ERCC6: variants seen among roughly 807,000 people sequenced by gnomAD.
ERCC6 encodes the protein ERCC excision repair 6, chromatin remodeling factor.
A neutral mutation model predicts 158.7 loss-of-function variants in ERCC6; 116 were observed. The observed-to-expected ratio is 0.73, with a 90% CI of 0.63 to 0.85. The LOEUF (loss-of-function observed/expected upper bound fraction) is 0.85, where lower values mean the gene tolerates loss of function less well. Ranked by LOEUF, ERCC6 falls within the 40% of genes least tolerant of loss-of-function variation. The pLI is 0.00. For synonymous variants in ERCC6, 678 were observed against 659.3 expected (o/e 1.03, Z -0.43); for missense variants, 1,698 against 1,799.4 (o/e 0.94, Z 1.02).
chr10:49,473,919 A>C, intron 13 of ERCC6, 108 bp downstream of exon 13: 2 of 994,724 alleles, frequency 2.0e-6, no homozygotes, highest in Non-Finnish European at 3.2e-6. Flanking sequence ...CCTCAGCATC[A>C]GTGGTAGACT....
the ERCC6 span, among the ~76,000 whole-genome samples, chr10:49,437,604 G>A: frequency 6.6e-6 from 1 of 152,168 alleles, no homozygotes; most frequent in Non-Finnish European, 1.5e-5. Context: ...GGGTTCATGG[G>A]TGCTTACTAG....
At chr10:49,450,531 C>T (rs115152439), downstream of ERCC6, among the ~76,000 whole-genome samples, 1,133 of 152,272 alleles carry the variant, frequency 7.4e-3, 13 homozygotes, top group African/African-American at 0.025. Context: ...TCAATTTCTG[C>T]AAAGATGTCA....
intron 1 of ERCC6, among the ~76,000 whole-genome samples, chr10:49,535,872 C>G (rs1465322639): frequency 6.6e-6 from 1 of 152,102 alleles, no homozygotes; most frequent in African/African-American, 2.4e-5. Flanking sequence ...ACCTGTAATC[C>G]CAGCACTTTG....
At position 49,520,788 on chromosome 10, in the gene ERCC6, C is replaced by T. The variant is rs548428601; in HGVS notation, c.1397+3245G>A. On this transcript the variant is annotated intron_variant, in intron 5 of 20. Transcript: ENST00000355832. ...CCCACCTGCCCTCCCTGTCCTCAGC[C>T]TCTCTGCACATTGTGGCATCACACC... Among the ~76,000 whole-genome samples, 6 of 152,342 alleles carry T rather than the reference C, an allele frequency of 3.9e-5. No homozygotes were observed. In the South Asian group the frequency reaches 1.2e-3, roughly 32 times the overall value.
intron 8 of ERCC6, among the ~76,000 whole-genome samples, chr10:49,486,171 A>C (rs532290721): frequency 8.5e-5 from 13 of 152,344 alleles, no homozygotes; most frequent in African/African-American, 3.1e-4. Context: ...TAGAGCTGTC[A>C]AAATGACACA....
intron 5 of ERCC6, among the ~76,000 whole-genome samples, chr10:49,523,150 G>A (rs1020466794): frequency 5.9e-5 from 9 of 152,166 alleles, no homozygotes; most frequent in African/African-American, 1.9e-4. Context: ...TTGGGAAAAA[G>A]CCATCCCACT....
chr10:49,486,918 A>G (rs978672373), intron 8 of ERCC6, among the ~76,000 whole-genome samples: 3 of 152,186 alleles, frequency 2.0e-5, no homozygotes, highest in Non-Finnish European at 4.4e-5. Context: ...GTGTGCATAC[A>G]CGCCTCTAAA....
At position 49,532,805 on chromosome 10, in the gene ERCC6, G is replaced by A; in HGVS notation, c.160C>T (p.Leu54=). ...GCGCACCCCACAGCAGAGGTGGACA[G>A]CCCGTCACCCACAGAACGAAAGGAG... ...YLSFRSVGDG[L]STSAVGCASA... The change falls in exon 2 of 21, where the codon CTG becomes TTG. Residue 54 remains leucine, a synonymous_variant. Transcript: ENST00000355832. The A allele has an allele frequency of 1.2e-6, 2 of 1,614,222 alleles. No homozygotes were observed. Among genetic ancestry groups the A allele is most frequent in the Non-Finnish European group, 1.7e-6 (2 of 1,180,044 alleles).
At chr10:49,536,127 A>G (rs1460453871) in intron 1 of ERCC6, among the ~76,000 whole-genome samples, 3 of 152,190 alleles carry the variant, frequency 2.0e-5, no homozygotes. Flanking sequence ...GAAAAAATAA[A>G]AAAGTTTCAG....
chr10:49,471,205 T>A, intron 16 of ERCC6, 85 bp from the exon 17 acceptor site: 1 of 1,334,662 alleles, frequency 7.5e-7, no homozygotes, highest in South Asian at 1.2e-5. Flanking sequence ...AAGAGAGAGA[T>A]GATAACAGCT....
chr10:49,482,557 T>TTTA (rs11424862), intron 10 of ERCC6, 130 bp downstream of exon 10: 2 of 668,180 alleles, frequency 3.0e-6, no homozygotes, highest in Non-Finnish European at 4.8e-6. Context: ...TTTTTTTTTT[T>TTTA]AACCAGATAC....
At chr10:49,459,313 G>A (rs1325516355) in intron 20 of ERCC6, 79 bp from the exon 21 acceptor site, 13 of 1,504,474 alleles carry the variant, frequency 8.6e-6, no homozygotes, top group South Asian at 2.3e-5. Flanking sequence ...GGCTGTGAAG[G>A]GTCACAAGAC....
chr10:49,478,382 C>T lies in ERCC6; in HGVS notation c.2258G>A (p.Ser753Asn). Reference sequence around the variant, plus strand: ...TTCATTTTTATCTGGCAAAGAAAGGCTCATCTTGACATCTGACTTCATTCT... The same window carrying T: ...TTCATTTTTATCTGGCAAAGAAAGGTTCATCTTGACATCTGACTTCATTCT... ...LRRMKSDVKM[S>N]LSLPDKNEQV... Residue 753 changes from serine (S) to asparagine (N), a missense_variant, in exon 11 of 21, where the codon AGC (serine) becomes AAC (asparagine). Transcript: ENST00000355832. The T allele has an allele frequency of 1.9e-6, 3 of 1,613,362 alleles. No individual in the cohort carries two copies. Among genetic ancestry groups the T allele is most frequent in the Non-Finnish European group, 2.5e-6 (3 of 1,179,366 alleles).
At chr10:49,478,556 A>C in intron 10 of ERCC6, 86 bp from the exon 11 acceptor site, 1 of 672,404 alleles carries the variant, frequency 1.5e-6, no homozygotes, top group African/African-American at 1.9e-5. Flanking sequence ...CCATTCCTTA[A>C]AAAAAAAAAA....
intron 6 of ERCC6, chr10:49,504,175 G>A (rs1021883932): frequency 1.4e-5 from 2 of 147,666 alleles, no homozygotes; most frequent in African/African-American, 2.5e-5. Flanking sequence ...AATTGGCCCC[G>A]CTAAAACGCA....
chr10:49,507,828 A>T (rs544403309), intron 5 of ERCC6, among the ~76,000 whole-genome samples: 1 of 152,318 alleles, frequency 6.6e-6, no homozygotes, highest in African/African-American at 2.4e-5. Flanking sequence ...ACCCCTCGGT[A>T]AAAAGTTATC....
At position 49,459,045 on chromosome 10, in the gene ERCC6, G is replaced by A. The variant is rs931717253; in HGVS notation, c.4252C>T (p.Leu1418=). ...TCATCGTGTTCTGTGGTGGGCAGCAGGGCAGAAGCTTCCTGCAGGTGCCCG... is the reference window on the plus strand; with the variant it reads ...TCATCGTGTTCTGTGGTGGGCAGCAAGGCAGAAGCTTCCTGCAGGTGCCCG... ...ESGHLQEASA[L]LPTTEHDDLL... The change falls in exon 21 of 21, where the codon CTG becomes TTG. Residue 1418 remains leucine, a synonymous_variant. Transcript: ENST00000355832. The A allele has an allele frequency of 3.1e-6, 5 of 1,614,182 alleles. No individual in the cohort carries two copies. The highest frequency in any genetic ancestry group is 1.1e-5 in the South Asian group (1 of 91,092).
At chr10:49,476,997 C>T (rs1484001102) in intron 11 of ERCC6, among the ~76,000 whole-genome samples, 1 of 152,082 alleles carries the variant, frequency 6.6e-6, no homozygotes, top group Admixed American at 6.5e-5. Context: ...ATGGTCAGTG[C>T]CGGTGCTGCT....
At chr10:49,449,820 G>C (rs951626071), downstream of ERCC6, among the ~76,000 whole-genome samples, 6 of 151,746 alleles carry the variant, frequency 4.0e-5, no homozygotes, top group Admixed American at 1.3e-4. Flanking sequence ...AAAGTGTTAG[G>C]ATTACAGGCG....
Sources: gnomAD v4.1 joint callset for allele counts (sites outside exome capture counted in the v4.1 genomes callset) on GRCh38, gnomAD v4.1.1 for gene constraint, MANE v1.5 for transcripts, NCBI Gene and HGNC (gene_info 2026-07-23, HGNC 2026-07-21) for gene names.